Variants in POLE observed in about 807,000 individuals in gnomAD.
The protein encoded by POLE is DNA polymerase epsilon, catalytic subunit, also known as DNA polymerase epsilon catalytic subunit A.
POLE carries 188 observed loss-of-function variants against 279.2 expected under a neutral mutation model. The ratio of observed to expected loss-of-function variants is 0.67; its 90% CI spans 0.60 to 0.76. The LOEUF (loss-of-function observed/expected upper bound fraction) is 0.76, where lower values mean the gene tolerates loss of function less well. Among genes scored for constraint, POLE ranks in the 30% least tolerant of loss-of-function variants. The pLI is 0.00. For synonymous variants in POLE, 1,214 were observed against 1,172.5 expected (o/e 1.04, Z -0.72); for missense variants, 2,703 against 3,016.7 (o/e 0.90, Z 2.44).
In POLE at chr12:132,661,143, G is replaced by A. The variant is rs757682919; in HGVS notation, c.2886C>T (p.Asp962=). 2.9e-5 allele frequency: 46 copies of A among 1,609,916 alleles called. No individual in the cohort carries two copies. The highest frequency in any genetic ancestry group is 1.7e-4 in the Middle Eastern group (1 of 6,050). The change falls in exon 25 of 49, where the codon GAC becomes GAT. Residue 962 remains aspartate (D), a synonymous_variant. Transcript: ENST00000320574. The surrounding 1 kb of genome is among the most constrained non-coding windows in gnomAD (Gnocchi z 4.1). ...AGCCCTTGAGCTCAGCCAGAGAACCGTCTTCATTGAACACAGCATACCTGA... is the reference window on the plus strand; with the variant it reads ...AGCCCTTGAGCTCAGCCAGAGAACCATCTTCATTGAACACAGCATACCTGA... ...LKKRYAVFNE[D]GSLAELKGFE...
At chr12:132,629,002 G>C (rs2041887842) in intron 45 of POLE, among the ~76,000 whole-genome samples, 1 of 152,202 alleles carries the variant, frequency 6.6e-6, no homozygotes, top group Non-Finnish European at 1.5e-5. Flanking sequence ...ACTGTGCCCA[G>C]TTCCATCAGG....
At chr12:132,644,043 A>T in intron 32 of POLE, 66 bp from the exon 33 acceptor site, 1 of 1,534,342 alleles carries the variant, frequency 6.5e-7, no homozygotes, top group Non-Finnish European at 8.8e-7. Flanking sequence ...TACACACACA[A>T]AGCACACGCT....
intron 1 of POLE, among the ~76,000 whole-genome samples, chr12:132,682,313 AAT>A (rs1376830711): frequency 6.9e-6 from 1 of 145,034 alleles, no homozygotes; most frequent in Non-Finnish European, 1.5e-5. Context: ...AATAAATAAA[AAT>A]AAATAAATAA....
intron 39 of POLE, among the ~76,000 whole-genome samples, chr12:132,640,172 G>C (rs1197100383): frequency 2.0e-5 from 3 of 152,180 alleles, no homozygotes; most frequent in Non-Finnish European, 4.4e-5. Context: ...AGCTGCCCTG[G>C]GCACCCTCCC....
chr12:132,679,865 C>A, intron 5 of POLE, 89 bp downstream of exon 5: 1 of 1,075,734 alleles, frequency 9.3e-7, no homozygotes, highest in South Asian at 1.5e-5. Context: ...CAACAGATGA[C>A]CTGAATTTCT....
chr12:132,625,400 G>C (rs2041814549), intron 47 of POLE: 2 of 749,814 alleles, frequency 2.7e-6, no homozygotes, highest in African/African-American at 1.7e-5. Context: ...TTCACACTTG[G>C]GAGTGTCTGC....
chr12:132,682,991 G>A (rs2043200296), intron 1 of POLE, among the ~76,000 whole-genome samples: 2 of 151,882 alleles, frequency 1.3e-5, no homozygotes, highest in Non-Finnish European at 1.5e-5. Context: ...GATAAAAAAA[G>A]AAAGGAAGAC....
chr12:132,655,728 T>C (rs1322045658), intron 29 of POLE, among the ~76,000 whole-genome samples: 3 of 152,276 alleles, frequency 2.0e-5, no homozygotes, highest in Non-Finnish European at 2.9e-5. Context: ...TGTTTCCTAA[T>C]ACTTTTGGCC....
At chr12:132,647,344 T>C (rs1175105164) in intron 32 of POLE, among the ~76,000 whole-genome samples, 2 of 151,442 alleles carry the variant, frequency 1.3e-5, no homozygotes, top group African/African-American at 2.4e-5. Context: ...TAATCCATAG[T>C]AATACTTTAA....
chr12:132,660,948 G>A (rs2138688043), intron 25 of POLE, 21 bp downstream of exon 25: 6 of 1,567,070 alleles, frequency 3.8e-6, no homozygotes, highest in Non-Finnish European at 5.2e-6. Flanking sequence ...GAGCAGGTGA[G>A]GGTGGAGGGT....
chr12:132,647,441 T>C (rs1342029372), intron 32 of POLE, among the ~76,000 whole-genome samples: 1 of 151,218 alleles, frequency 6.6e-6, no homozygotes, highest in East Asian at 1.9e-4. Flanking sequence ...AAAGCATTTA[T>C]CTTGCTTAAA....
At chr12:132,631,925 G>GGGCCCTCTCCCTTCTCC (rs1565926190) in intron 45 of POLE, among the ~76,000 whole-genome samples, 1 of 152,032 alleles carries the variant, frequency 6.6e-6, no homozygotes, top group Non-Finnish European at 1.5e-5. Flanking sequence ...CTCCCTTCTC[G>GGGCCCTCTCCCTTCTCC]GGTCGGCTGG....
In POLE at chr12:132,624,901, C is replaced by G. The variant is rs1257771767; in HGVS notation, c.6747+4G>C. 1.2e-6 allele frequency: 2 copies of G among 1,613,104 alleles called. No individual in the cohort carries two copies. Among genetic ancestry groups the G allele is most frequent in the South Asian group, 1.1e-5 (1 of 91,070 alleles). On this transcript the variant is annotated splice_donor_region_variant and intron_variant, in intron 48 of 48. Coordinates refer to ENST00000320574, the MANE Select transcript of POLE (RefSeq NM_006231.4). ...TGAGCCGAGGCAGATGAGGGAGAGC[C>G]CACCTGGGTGTGGATGGTGAGGGCG...
Position 132,639,527 on chromosome 12 carries a change from G to A in POLE, c.5379-229C>T, listed in dbSNP as rs2042099199. Among the ~76,000 whole-genome samples the A allele has an allele frequency of 1.4e-5, 1 of 72,934 alleles. No individual in the cohort carries two copies. The highest frequency in any genetic ancestry group is 7.5e-5 in the African/African-American group (1 of 13,362). 47.8% of individuals were successfully genotyped at this position (72,934 alleles called of 152,430 possible). Reference sequence around the variant, plus strand: ...CATTTCATTCCTTAAACTTGTTCAGGCTTCACCGCATCCCAAACTCTGTGT... The same window carrying A: ...CATTTCATTCCTTAAACTTGTTCAGACTTCACCGCATCCCAAACTCTGTGT... On this transcript the variant is annotated intron_variant, in intron 39 of 48. Coordinates refer to ENST00000320574, the MANE Select transcript of POLE (RefSeq NM_006231.4). The surrounding 1 kb of genome is among the most constrained non-coding windows in gnomAD (Gnocchi z 4.7).
chr12:132,663,522 C>G lies in POLE; in HGVS notation c.2706+482G>C, dbSNP rs78136908. Among the ~76,000 whole-genome samples, 1,341 of 152,322 alleles carry G rather than the reference C, an allele frequency of 8.8e-3. 62 individuals carry two copies. Among genetic ancestry groups the G allele is most frequent in the Non-Finnish European group, 2.3e-3 (157 of 68,030 alleles). On this transcript the variant is annotated intron_variant, in intron 23 of 48. Transcript: ENST00000320574. ...ACCACCAGAGGGGGAGGTCGTGACA[C>G]GAGGACAGACCGGGACAGGACAACT...
At chr12:132,647,750 AC>A (rs1180715608) in intron 32 of POLE, among the ~76,000 whole-genome samples, 1 of 152,124 alleles carries the variant, frequency 6.6e-6, no homozygotes, top group African/African-American at 2.4e-5. Context: ...CCACAGCACC[AC>A]AGCACCACGC....
chr12:132,673,983 T>A (rs5744772), intron 12 of POLE, among the ~76,000 whole-genome samples: 3 of 151,804 alleles, frequency 2.0e-5, no homozygotes, highest in East Asian at 3.9e-4. Flanking sequence ...TTGTGGCCTC[T>A]CCGACGGGCG....
intron 29 of POLE, chr12:132,650,319 C>G (rs1447131164): frequency 5.3e-6 from 1 of 188,280 alleles, no homozygotes; most frequent in African/African-American, 2.4e-5. Flanking sequence ...GTTTATTGAA[C>G]CTTTAATAGT....
chr12:132,678,445 T>G (rs1468368304), intron 6 of POLE, among the ~76,000 whole-genome samples: 1 of 151,450 alleles, frequency 6.6e-6, no homozygotes, highest in Non-Finnish European at 1.5e-5. Flanking sequence ...AGGCATGGGG[T>G]ACACACCTGT....
Sources: allele counts gnomAD v4.1 joint callset (sites outside exome capture counted in the v4.1 genomes callset), GRCh38; gene constraint gnomAD v4.1.1; non-coding constraint Gnocchi (gnomAD v3.1); transcripts MANE v1.5; gene names NCBI Gene and HGNC (gene_info 2026-07-23, HGNC 2026-07-21).